Variants in ATP1A2 observed in about 807,000 individuals in gnomAD.
ATP1A2 encodes sodium/potassium-transporting ATPase subunit alpha-2.
ATP1A2 carries 56 observed loss-of-function variants against 113.1 expected under a neutral mutation model. That is an observed-to-expected ratio of 0.49 (90% CI 0.40 to 0.62). ATP1A2 has a LOEUF of 0.62. Ranked by LOEUF, ATP1A2 falls within the 20% of genes least tolerant of loss-of-function variation. The pLI is 0.00. For missense variants in ATP1A2, 712 were observed against 1,357.8 expected (o/e 0.52, Z 7.47); for synonymous variants, 490 against 526.8 (o/e 0.93, Z 0.96).
intron 8 of ATP1A2, 99 bp downstream of exon 8, chr1:160,127,919 C>T (rs900529136): frequency 1.4e-6 from 2 of 1,470,928 alleles, no homozygotes; most frequent in Non-Finnish European, 1.8e-6. Flanking sequence ...ACTACTTTTT[C>T]CCCCTAGAGT....
At chr1:160,124,487 G>A (rs372747854) in intron 6 of ATP1A2, 57 bp downstream of exon 6, 11 of 1,562,444 alleles carry the variant, frequency 7.0e-6, no homozygotes, top group East Asian at 4.7e-5. Flanking sequence ...TGTGTGCAGA[G>A]CTGAGAGGGG....
Position 160,141,620 on chromosome 1 carries a change from C to A in ATP1A2, c.*298C>A. ...CTGAGGAATTAAGGGTTACCCCACC[C>A]TGCCCACTCCCATCCCTTCAACCCC... On this transcript the variant is annotated 3_prime_UTR_variant, in exon 23 of 23. Coordinates refer to ENST00000361216, the MANE Select transcript of ATP1A2 (RefSeq NM_000702.4). 2.2e-6 allele frequency: 1 copy of A among 453,398 alleles called. No individual in the cohort carries two copies. Among genetic ancestry groups the A allele is most frequent in the Non-Finnish European group, 4.1e-6 (1 of 243,808 alleles). The allele number at this position is 453,398 out of a possible 1,614,324, so 28.1% of individuals were successfully genotyped here.
chr1:160,140,681 C>T (rs74562298), intron 22 of ATP1A2: 290 of 166,120 alleles, frequency 1.7e-3, no homozygotes, highest in African/African-American at 6.8e-3. Flanking sequence ...GACTCTCGTT[C>T]GTCACCTGAA....
At chr1:160,137,871 G>C (rs1163498963) in intron 20 of ATP1A2, among the ~76,000 whole-genome samples, 1 of 152,146 alleles carries the variant, frequency 6.6e-6, no homozygotes, top group African/African-American at 2.4e-5. Context: ...TAACACTTAA[G>C]ATCCAAGGGA....
At chr1:160,121,088 A>C (rs55670545) in intron 2 of ATP1A2, 78 bp downstream of exon 2, 68 of 1,603,276 alleles carry the variant, frequency 4.2e-5, no homozygotes, top group Non-Finnish European at 5.7e-5. Flanking sequence ...ACTCAGAGAA[A>C]CTCCGTGTCC....
At chr1:160,131,349 C>T (rs1300314932) in intron 13 of ATP1A2, among the ~76,000 whole-genome samples, 3 of 152,144 alleles carry the variant, frequency 2.0e-5, no homozygotes, top group African/African-American at 4.8e-5. Context: ...AAGAGGGAAA[C>T]TGAGGCACAA....
In ATP1A2 at chr1:160,135,947, C is replaced by T; in HGVS notation, c.2393C>T (p.Pro798Leu). The change falls in exon 17 of 23, where the codon CCT (proline) becomes CTT (leucine). Residue 798 changes from proline to leucine, a missense_variant. By Grantham distance (98) the Pro-to-Leu change is moderately conservative. Around this residue, in one of 6 missense-constraint regions of ATP1A2, gnomAD observed 188 missense variants for 438.9 expected, o/e 0.43. Transcript: ENST00000361216. This position sits in a 1 kb window ranked among gnomAD's most constrained non-coding sequence, Gnocchi z 6.3. ...LLFIIANIPL[P>L]LGTVTILCID... ...TTCATCATTGCCAACATCCCCCTAC[C>T]TCTGGGCACTGTGACCATCCTTTGC... 6.2e-7 allele frequency: 1 copy of T among 1,614,098 alleles called. No homozygotes were observed. Among genetic ancestry groups the T allele is most frequent in the African/African-American group, 1.3e-5 (1 of 75,004 alleles).
At chr1:160,124,503 T>G in intron 6 of ATP1A2, 73 bp downstream of exon 6, 3 of 1,552,998 alleles carry the variant, frequency 1.9e-6, no homozygotes, top group Non-Finnish European at 2.6e-6. Flanking sequence ...AGGGGCCCAG[T>G]GAGGTTTAAA....
Position 160,130,215 on chromosome 1 carries a change from C to A in ATP1A2, c.1575C>A (p.Ile525=), listed in dbSNP as rs921048398. 1.8e-5 allele frequency: 29 copies of A among 1,614,104 alleles called. No homozygotes were observed. Among genetic ancestry groups the A allele is most frequent in the Non-Finnish European group, 2.5e-5 (29 of 1,180,058 alleles). Residue 525 remains isoleucine, a synonymous_variant, in exon 12 of 23, where the codon ATC becomes ATA. Transcript: ENST00000361216. ...CSTILVQGKE[I]PLDKEMQDAF... The stretch of plus-strand genomic sequence containing the variant: ...CCATCCTGGTGCAGGGCAAGGAGAT[C>A]CCGCTCGACAAGGAGATGCAAGATG...
chr1:160,121,170 T>C, intron 2 of ATP1A2, 22 bp from the exon 3 acceptor site: 1 of 1,614,090 alleles, frequency 6.2e-7, no homozygotes, highest in Non-Finnish European at 8.5e-7. Flanking sequence ...CTCCCCAAAG[T>C]AACTCACCCT....
Position 160,123,354 on chromosome 1 carries a change from A to G in ATP1A2, c.319A>G (p.Ile107Val), listed in dbSNP as rs2101985456. 6.2e-7 allele frequency: 1 copy of G among 1,614,150 alleles called. No homozygotes were observed. Reference sequence around the variant, plus strand: ...CTCCATCCTGCTGTGGATTGGGGCTATCCTCTGCTTCCTGGCCTACGGCAT... The same window carrying G: ...CTCCATCCTGCTGTGGATTGGGGCTGTCCTCTGCTTCCTGGCCTACGGCAT... Reference protein sequence around the residue: ...GFSILLWIGAILCFLAYGIQA... With the variant: ...GFSILLWIGAVLCFLAYGIQA... Residue 107 changes from isoleucine (I) to valine (V), a missense_variant, in exon 4 of 23, where the codon ATC (isoleucine) becomes GTC (valine). Physicochemically the swap from Ile to Val is conservative, Grantham distance 29. Around this residue, in one of 6 missense-constraint regions of ATP1A2, gnomAD observed 109 missense variants for 162.3 expected, o/e 0.67. Transcript: ENST00000361216.
At chr1:160,125,011 A>C in intron 6 of ATP1A2, 125 bp from the exon 7 acceptor site, 6 of 783,676 alleles carry the variant, frequency 7.7e-6, no homozygotes, top group Non-Finnish European at 1.3e-5. Flanking sequence ...ATATGTGATG[A>C]GGGCAAGTGT....
chr1:160,124,976 G>C (rs1651538893), intron 6 of ATP1A2, among the ~76,000 whole-genome samples, 160 bp from the exon 7 acceptor site: 1 of 152,184 alleles, frequency 6.6e-6, no homozygotes, highest in African/African-American at 2.4e-5. Context: ...ACCAGGGCAG[G>C]GGCAATAGAT....
rs774885222 is a variant in ATP1A2 at position 160,123,427 on chromosome 1, A to C, written c.381+11A>C. 1 of 1,614,116 alleles carries C rather than the reference A, an allele frequency of 6.2e-7. No individual in the cohort carries two copies. The highest frequency in any genetic ancestry group is 8.5e-7 in the Non-Finnish European group (1 of 1,180,008). On this transcript the variant is annotated intron_variant, in intron 4 of 22. Coordinates refer to ENST00000361216, the MANE Select transcript of ATP1A2 (RefSeq NM_000702.4). ...CCATCCAACGACAATGTGAGCCCAC[A>C]CGCCCGACCCGGGAACAGCCCGTGA...
Position 160,140,001 on chromosome 1 carries a change from T to TC in ATP1A2, c.3034+23dup. ...ATCCTGGTGGTAAGCCCCTCCACAT[T>TC]CCCCCCAGCAAAGTGCAAGCCCCAC... is the stretch of plus-strand genomic sequence containing the variant. On this transcript the variant is annotated intron_variant, in intron 22 of 22. Transcript: ENST00000361216. 4 of 1,610,402 alleles carry TC rather than the reference T, an allele frequency of 2.5e-6. No homozygotes were observed. Among genetic ancestry groups the TC allele is most frequent in the Non-Finnish European group, 2.5e-6 (3 of 1,178,750 alleles).
intron 12 of ATP1A2, 48 bp downstream of exon 12, chr1:160,130,339 G>A (rs1651733013): frequency 6.2e-7 from 1 of 1,613,966 alleles, no homozygotes; most frequent in Admixed American, 1.7e-5. Context: ...CCAAGCCTCT[G>A]CGGCATCCCT....
At chr1:160,129,908 G>A (rs1187793323) in intron 11 of ATP1A2, among the ~76,000 whole-genome samples, 194 bp from the exon 12 acceptor site, 3 of 152,250 alleles carry the variant, frequency 2.0e-5, no homozygotes, top group South Asian at 2.1e-4. Context: ...ACTGTCCTAC[G>A]GAGGTGGCTC....
Position 160,135,885 on chromosome 1 carries a change from G to A in ATP1A2, c.2331G>A (p.Leu777=). 1 of 1,614,072 alleles carries A rather than the reference G, an allele frequency of 6.2e-7. No homozygotes were observed. The highest frequency in any genetic ancestry group is 1.1e-5 in the South Asian group (1 of 91,076). ...TGAAGAAATCCATCGCCTACACCCT[G>A]ACCAGCAACATCCCCGAGATCACCC... ...DNLKKSIAYT[L]TSNIPEITPF... is the part of the protein sequence containing the mutation. Residue 777 remains leucine (L), a synonymous_variant, in exon 17 of 23, where the codon CTG becomes CTA. Coordinates refer to ENST00000361216, the MANE Select transcript of ATP1A2 (RefSeq NM_000702.4). This position sits in a 1 kb window ranked among gnomAD's most constrained non-coding sequence, Gnocchi z 6.3.
intron 11 of ATP1A2, 146 bp from the exon 12 acceptor site, chr1:160,129,956 C>A (rs1318226253): frequency 2.0e-6 from 2 of 1,002,484 alleles, no homozygotes; most frequent in South Asian, 2.8e-5. Flanking sequence ...GTCTAAACAC[C>A]CCCCTGCACA....
Sources: gnomAD v4.1 joint callset for allele counts (sites outside exome capture counted in the v4.1 genomes callset) on GRCh38, gnomAD v4.1.1 for gene constraint, gnomAD v4.1.1 regional missense constraint, Gnocchi (gnomAD v3.1) non-coding constraint, MANE v1.5 for transcripts, NCBI Gene and HGNC (gene_info 2026-07-23, HGNC 2026-07-21) for gene names.